The following FCRL2 variants were observed in gnomAD, a reference collection of about 807,000 sequenced individuals.
FCRL2 encodes Fc receptor like 2, also known as Fc receptor-like protein 2.
FCRL2 carries 48 observed loss-of-function variants against 59.8 expected under a neutral mutation model. That is an observed-to-expected ratio of 0.80 (90% CI 0.64 to 1.02). The LOEUF (loss-of-function observed/expected upper bound fraction) is 1.02, where lower values mean the gene tolerates loss of function less well. FCRL2 is among the 50% of genes least tolerant of loss of function. FCRL2 has a pLI of 0.00. For missense variants in FCRL2, 658 were observed against 597.3 expected (o/e 1.10, Z -1.06); for synonymous variants, 251 against 229.5 (o/e 1.09, Z -0.85).
chr1:157,768,378 G>A, intron 5 of FCRL2, 36 bp downstream of exon 5: 5 of 1,593,200 alleles, frequency 3.1e-6, no homozygotes, highest in Non-Finnish European at 4.3e-6. Context: ...CTTGGTCTGG[G>A]AATTTCTGGA....
intron 7 of FCRL2, among the ~76,000 whole-genome samples, chr1:157,757,467 C>A (rs1648684910): frequency 6.6e-6 from 1 of 151,808 alleles, no homozygotes; most frequent in Non-Finnish European, 1.5e-5. Flanking sequence ...GCACATATAC[C>A]CCAGAACTTA....
Position 157,769,926 on chromosome 1 carries a change from C to G in FCRL2, c.535G>C (p.Ala179Pro), listed in dbSNP as rs140271225. 1.7e-4 allele frequency: 279 copies of G among 1,614,198 alleles called. No homozygotes were observed. The highest frequency in any genetic ancestry group is 2.2e-4 in the Non-Finnish European group (258 of 1,180,034). Residue 179 changes from alanine (A) to proline (P), a missense_variant, in exon 4 of 12, where the codon GCA (alanine) becomes CCA (proline). Coordinates refer to ENST00000361516, the MANE Select transcript of FCRL2 (RefSeq NM_030764.4). ...SEDTGSYWCK[A>P]ETVTHRIRKQ... ...CTGATCCTGTGAGTCACCGTTTCTG[C>G]CTTGCACCAGTAAGACCCTGTGTCT...
chr1:157,767,012 A>T (rs773635650), intron 6 of FCRL2, 41 bp from the exon 7 acceptor site: 3 of 1,541,040 alleles, frequency 1.9e-6, no homozygotes, highest in Middle Eastern at 1.7e-4. Flanking sequence ...GAGGTTTAAG[A>T]CTTGGGCCCT....
intron 7 of FCRL2, among the ~76,000 whole-genome samples, chr1:157,753,631 G>A (rs144296908): frequency 2.6e-5 from 4 of 152,264 alleles, no homozygotes; most frequent in African/African-American, 4.8e-5. Flanking sequence ...TTTTTATAGC[G>A]GTCCCATTAC....
At chr1:157,775,419 TA>T (rs1380667743) in intron 2 of FCRL2, among the ~76,000 whole-genome samples, 2 of 152,218 alleles carry the variant, frequency 1.3e-5, no homozygotes, top group Non-Finnish European at 2.9e-5. Flanking sequence ...TTCAGAGCTG[TA>T]AAAACATTCA....
rs200878000 is a variant in FCRL2, at chr1:157,770,618, A to T, written c.101T>A (p.Ile34Asn). ...APSSVFEGDS[I>N]VLKCQGEQNW... ...CTGTTCTCCCTGGCATTTCAGAACG[A>T]TGCTGTCTCCTTCGAAGACAGAAGA... The change falls in exon 3 of 12, where the codon ATC (isoleucine) becomes AAC (asparagine). Residue 34 changes from isoleucine (I) to asparagine (N), a missense_variant. Ile to Asn is a moderately radical substitution (Grantham distance 149). Coordinates refer to ENST00000361516, the MANE Select transcript of FCRL2 (RefSeq NM_030764.4). The T allele has an allele frequency of 3.0e-5, 49 of 1,614,052 alleles. No individual in the cohort carries two copies. Among genetic ancestry groups the T allele is most frequent in the Non-Finnish European group, 3.5e-5 (41 of 1,180,008 alleles).
At chr1:157,759,106 G>A (rs112233920) in intron 7 of FCRL2, among the ~76,000 whole-genome samples, 2,712 of 152,236 alleles carry the variant, frequency 0.018, 71 homozygotes, top group African/African-American at 0.061. Flanking sequence ...TGCTGTTCTC[G>A]TGATAGTGAG....
chr1:157,769,823 C>T lies in FCRL2; in HGVS notation c.595+43G>A, dbSNP rs755077251. On this transcript the variant is annotated intron_variant, in intron 4 of 11. Coordinates refer to ENST00000361516, the MANE Select transcript of FCRL2 (RefSeq NM_030764.4). ...AGTAGTCCAAGCTGAAGCTATAACA[C>T]TCCTATCTTTTTTTCTCCAGGCTCA... The T allele has an allele frequency of 2.5e-6, 4 of 1,594,288 alleles. No homozygotes were observed. In the East Asian group the frequency reaches 9.0e-5, roughly 36 times the overall value.
intron 7 of FCRL2, among the ~76,000 whole-genome samples, chr1:157,754,017 A>G (rs1319272894): frequency 1.3e-5 from 2 of 152,234 alleles, no homozygotes; most frequent in Non-Finnish European, 2.9e-5. Context: ...TGAAATAGCT[A>G]TCTGAAAAAA....
intron 11 of FCRL2, 28 bp from the exon 12 acceptor site, chr1:157,746,802 T>G: frequency 6.2e-7 from 1 of 1,613,816 alleles, no homozygotes. Flanking sequence ...GAATAAAGAC[T>G]GAGGTGATCA....
intron 7 of FCRL2, among the ~76,000 whole-genome samples, chr1:157,760,815 A>G (rs1649040245): frequency 6.6e-6 from 1 of 151,702 alleles, no homozygotes; most frequent in African/African-American, 2.4e-5. Context: ...GGAAGGAGGG[A>G]AGGAAGGAAG....
chr1:157,752,834 TC>T (rs918937199), intron 7 of FCRL2, among the ~76,000 whole-genome samples: 15 of 152,328 alleles, frequency 9.8e-5, no homozygotes, highest in African/African-American at 2.9e-4. Flanking sequence ...TGTCAATTCT[TC>T]CTTAATTAAT....
chr1:157,765,178 G>A (rs1649401142), intron 7 of FCRL2, among the ~76,000 whole-genome samples: 1 of 152,104 alleles, frequency 6.6e-6, no homozygotes, highest in South Asian at 2.1e-4. Context: ...TATTACAAAT[G>A]AACAGGAAAG....
intron 9 of FCRL2, 112 bp downstream of exon 9, chr1:157,748,763 G>A (rs1208605589): frequency 8.5e-7 from 1 of 1,175,128 alleles, no homozygotes; most frequent in Non-Finnish European, 1.3e-6. Flanking sequence ...TATTGGGAAT[G>A]GCTGGGCCTC....
intron 7 of FCRL2, among the ~76,000 whole-genome samples, chr1:157,759,716 T>A (rs1459644100): frequency 2.0e-5 from 3 of 152,114 alleles, no homozygotes; most frequent in Admixed American, 2.0e-4. Flanking sequence ...CACTAACCAT[T>A]AGGGAAATGT....
chr1:157,767,330 T>A lies in FCRL2; in HGVS notation c.1063A>T (p.Asn355Tyr), dbSNP rs780449996. 1 of 1,614,190 alleles carries A rather than the reference T, an allele frequency of 6.2e-7. No homozygotes were observed. The highest frequency in any genetic ancestry group is 1.1e-5 in the South Asian group (1 of 91,080). ...GAATGTTCTGCAGTCAAAGAGAGGT[T>A]GAAGGAGGCCCCTCCTCCAGAGGGG... ...SAPSGGGASFNLSLTAEHSGN... is the reference protein window; with the variant it reads ...SAPSGGGASFYLSLTAEHSGN... The change falls in exon 6 of 12, where the codon AAC becomes TAC. Residue 355 changes from asparagine to tyrosine, a missense_variant. By Grantham distance (143) the Asn-to-Tyr change is moderately radical. Coordinates refer to ENST00000361516, the MANE Select transcript of FCRL2 (RefSeq NM_030764.4).
chr1:157,773,247 G>C (rs1650163490), intron 2 of FCRL2, among the ~76,000 whole-genome samples: 1 of 152,226 alleles, frequency 6.6e-6, no homozygotes, highest in South Asian at 2.1e-4. Flanking sequence ...GAACAACAAA[G>C]AGCATTTGCC....
chr1:157,751,908 G>C (rs11264807), intron 7 of FCRL2, among the ~76,000 whole-genome samples: 2,702 of 151,188 alleles, frequency 0.018, 71 homozygotes, highest in African/African-American at 0.062. Flanking sequence ...CAAACCTGGA[G>C]AGTCAGCTTT....
intron 7 of FCRL2, among the ~76,000 whole-genome samples, chr1:157,756,670 C>T (rs12116491): frequency 0.27 from 37,851 of 139,000 alleles, 4,974 homozygotes; most frequent in African/African-American, 0.38. Flanking sequence ...CACAGTGACA[C>T]TTTGTCTGGA....
Sources: allele counts gnomAD v4.1 joint callset (sites outside exome capture counted in the v4.1 genomes callset), GRCh38; gene constraint gnomAD v4.1.1; transcripts MANE v1.5; gene names NCBI Gene and HGNC (gene_info 2026-07-23, HGNC 2026-07-21).